Variants in PTH1R observed in about 807,000 individuals in gnomAD.
PTH1R encodes the protein parathyroid hormone/parathyroid hormone-related peptide receptor.
In PTH1R, 32 loss-of-function variants were observed where a neutral mutation model predicts 70.7. The observed-to-expected ratio is 0.45, with a 90% confidence interval of 0.34 to 0.61. PTH1R has a LOEUF of 0.61. Ranked by LOEUF, PTH1R falls within the 20% of genes least tolerant of loss-of-function variation. The pLI is 0.01. For synonymous variants in PTH1R, 329 were observed against 324.8 expected (o/e 1.01, Z -0.14); for missense variants, 626 against 792.5 (o/e 0.79, Z 2.52).
rs1302380494 is a variant in PTH1R, at chr3:46,882,414, G to A, written c.-48-1098G>A. On this transcript the variant is annotated intron_variant, in intron 2 of 15. Coordinates refer to ENST00000449590, the MANE Select transcript of PTH1R (RefSeq NM_000316.3). The surrounding 1 kb of genome is among the most constrained non-coding windows in gnomAD (Gnocchi z 4.3). ...GGGCGCTGGCTTGGGGAGGCTGTCG[G>A]GGGGGCCCCGACATCCATGGCAAGG... 2 of 151,548 alleles carry A rather than the reference G, an allele frequency of 1.3e-5. No homozygotes were observed. Among genetic ancestry groups the A allele is most frequent in the African/African-American group, 4.8e-5 (2 of 41,288 alleles). 9.4% of individuals were successfully genotyped at this position (151,548 alleles called of 1,614,324 possible).
chr3:46,902,458 G>C lies in PTH1R; in HGVS notation c.1212-68G>C, dbSNP rs935000652. The C allele has an allele frequency of 8.8e-6, 14 of 1,585,300 alleles. No homozygotes were observed. The African/African-American group carries it at 1.5e-4, about 17-fold the overall frequency. ...TTCCGGAGCCTGGGGCTCGCAGGGTGGGGGGTGGCACAATGCTTGTTGAAG... is the reference window on the plus strand; with the variant it reads ...TTCCGGAGCCTGGGGCTCGCAGGGTCGGGGGTGGCACAATGCTTGTTGAAG... On this transcript the variant is annotated intron_variant, in intron 13 of 15. Coordinates refer to ENST00000449590, the MANE Select transcript of PTH1R (RefSeq NM_000316.3). This position sits in a 1 kb window ranked among gnomAD's most constrained non-coding sequence, Gnocchi z 5.4.
At chr3:46,898,997 G>C (rs1198723649) in intron 9 of PTH1R, 140 bp downstream of exon 9, 1 of 732,092 alleles carries the variant, frequency 1.4e-6, no homozygotes, top group Non-Finnish European at 2.2e-6. Context: ...CCGTCTTATA[G>C]GGTCCCTCGC....
intron 3 of PTH1R, among the ~76,000 whole-genome samples, chr3:46,887,668 C>G (rs1319447114): frequency 1.3e-5 from 2 of 152,018 alleles, no homozygotes; most frequent in Non-Finnish European, 2.9e-5. Context: ...TTCTATTTGT[C>G]TGGTTGTTTT....
intron 10 of PTH1R, among the ~76,000 whole-genome samples, chr3:46,900,642 C>CA (rs942385139): frequency 8.0e-5 from 12 of 149,852 alleles, no homozygotes; most frequent in Middle Eastern, 3.4e-3. Context: ...TGTGCTGGGG[C>CA]AAAAAAAAAT....
rs1399159506 is a variant in PTH1R at position 46,893,853 on chromosome 3, G to A, written c.76-54G>A. On this transcript the variant is annotated intron_variant, in intron 3 of 15. Transcript: ENST00000449590. This position sits in a 1 kb window ranked among gnomAD's most constrained non-coding sequence, Gnocchi z 5.2. ...CTCTGGGAAATTGGGATGTCTCTGGGACCTGCTGCTGCGCCGGAAAGTCCT... is the reference window on the plus strand; with the variant it reads ...CTCTGGGAAATTGGGATGTCTCTGGAACCTGCTGCTGCGCCGGAAAGTCCT... 6.4e-7 allele frequency: 1 copy of A among 1,551,738 alleles called. No homozygotes were observed. The highest frequency in any genetic ancestry group is 8.9e-7 in the Non-Finnish European group (1 of 1,129,190).
Position 46,882,854 on chromosome 3 carries a change from G to C in PTH1R, c.-48-658G>C, listed in dbSNP as rs979968915. Among the ~76,000 whole-genome samples the C allele has an allele frequency of 2.0e-5, 3 of 151,956 alleles. No individual in the cohort carries two copies. Among genetic ancestry groups the C allele is most frequent in the Admixed American group, 6.5e-5 (1 of 15,276 alleles). ...GGCCAAGGATGGGGAAGGGGTGCGGGAGGCGGCTGCCGAGGGTCTGGGATC... is the reference window on the plus strand; with the variant it reads ...GGCCAAGGATGGGGAAGGGGTGCGGCAGGCGGCTGCCGAGGGTCTGGGATC... On this transcript the variant is annotated intron_variant, in intron 2 of 15. Coordinates refer to ENST00000449590, the MANE Select transcript of PTH1R (RefSeq NM_000316.3). The surrounding 1 kb of genome is among the most constrained non-coding windows in gnomAD (Gnocchi z 4.3).
chr3:46,901,282 GC>G lies in PTH1R; in HGVS notation c.1050-130del. On this transcript the variant is annotated intron_variant, in intron 11 of 15. Transcript: ENST00000449590. The surrounding 1 kb of genome is among the most constrained non-coding windows in gnomAD (Gnocchi z 7.3). Reference sequence around the variant, plus strand: ...AAGAGGCCTGTGAGGGAGGCCTCAGGCCTGGCCACACCCAGCACCCCTGCCC... The same window carrying G: ...AAGAGGCCTGTGAGGGAGGCCTCAGGCTGGCCACACCCAGCACCCCTGCCC... 1 of 1,310,660 alleles carries G rather than the reference GC, an allele frequency of 7.6e-7. No individual in the cohort carries two copies. The highest frequency in any genetic ancestry group is 1.1e-6 in the Non-Finnish European group (1 of 934,100). The allele number at this position is 1,310,660 out of a possible 1,614,324, so 81.2% of individuals were successfully genotyped here.
At position 46,901,505 on chromosome 3, in the gene PTH1R, A is replaced by T. The variant is rs2032116094; in HGVS notation, c.1116+25A>T. The T allele has an allele frequency of 6.4e-6, 10 of 1,554,980 alleles. No individual in the cohort carries two copies. The highest frequency in any genetic ancestry group is 7.8e-6 in the Non-Finnish European group (9 of 1,148,246). On this transcript the variant is annotated intron_variant, in intron 12 of 15. Transcript: ENST00000449590. This position sits in a 1 kb window ranked among gnomAD's most constrained non-coding sequence, Gnocchi z 7.3. ...GGTGAGCAGGGGTGGGCTGCTGGCC[A>T]CAGGGGTGGGTGGGATGTGCGCCTG...
In PTH1R at chr3:46,902,602, A is replaced by G. The variant is rs1351383165; in HGVS notation, c.1288A>G (p.Thr430Ala). 2 of 1,613,780 alleles carry G rather than the reference A, an allele frequency of 1.2e-6. No homozygotes were observed. Among genetic ancestry groups the G allele is most frequent in the South Asian group, 2.2e-5 (2 of 91,056 alleles). Residue 430 changes from threonine to alanine, a missense_variant, in exon 14 of 16, where the codon ACC becomes GCC. By Grantham distance (58) the Thr-to-Ala change is moderately conservative (BLOSUM62 0). Coordinates refer to ENST00000449590, the MANE Select transcript of PTH1R (RefSeq NM_000316.3). The surrounding 1 kb of genome is among the most constrained non-coding windows in gnomAD (Gnocchi z 5.4). Reference sequence around the variant, plus strand: ...CATTGTCTTCATGGCCACACCATACACCGAGGTCTCAGGGACGCTCTGGCA... The same window carrying G: ...CATTGTCTTCATGGCCACACCATACGCCGAGGTCTCAGGGACGCTCTGGCA... ...HYIVFMATPY[T>A]EVSGTLWQVQ...
At chr3:46,881,405 G>A (rs909585564) in intron 2 of PTH1R, among the ~76,000 whole-genome samples, 2 of 152,174 alleles carry the variant, frequency 1.3e-5, no homozygotes, top group Non-Finnish European at 2.9e-5. Flanking sequence ...GGTCCCAGGC[G>A]GCCCGGTCCG....
chr3:46,898,447 G>T lies in PTH1R; in HGVS notation c.613G>T (p.Ala205Ser), dbSNP rs748539877. The T allele has an allele frequency of 1.9e-6, 3 of 1,614,052 alleles. No homozygotes were observed. Among genetic ancestry groups the T allele is most frequent in the East Asian group, 4.5e-5 (2 of 44,856 alleles). ...CGTGTCCCTGGCGTCCCTCACCGTA[G>T]CTGTGCTCATCCTGGCCTACTTTAG... The part of the protein sequence containing the change: ...YSVSLASLTV[A>S]VLILAYFRRL... Residue 205 changes from alanine (A) to serine (S), a missense_variant, in exon 8 of 16, where the codon GCT becomes TCT. Around this residue, in one of 3 missense-constraint regions of PTH1R, gnomAD observed 495 missense variants for 638.7 expected, o/e 0.77. Transcript: ENST00000449590.
At position 46,892,694 on chromosome 3, in the gene PTH1R, C is replaced by T; in HGVS notation, c.76-1213C>T. The T allele has an allele frequency of 2.0e-6, 2 of 983,762 alleles. No individual in the cohort carries two copies. Among genetic ancestry groups the T allele is most frequent in the Middle Eastern group, 4.8e-4 (1 of 2,064 alleles). The allele number at this position is 983,762 out of a possible 1,614,324, so 60.9% of individuals were successfully genotyped here. A position where few individuals can be genotyped will look rare whatever the true frequency, so the allele number is the denominator to read the frequency against. ...ATGCCCGACCCGCCTTCTTCCTCCCCTGCCTCCTCTGGGTCCTCCCGCCCT... is the reference window on the plus strand; with the variant it reads ...ATGCCCGACCCGCCTTCTTCCTCCCTTGCCTCCTCTGGGTCCTCCCGCCCT... On this transcript the variant is annotated intron_variant, in intron 3 of 15. Transcript: ENST00000449590. This position sits in a 1 kb window ranked among gnomAD's most constrained non-coding sequence, Gnocchi z 5.2.
Position 46,884,473 on chromosome 3 carries a change from C to T in PTH1R, c.75+839C>T, listed in dbSNP as rs2030887953. On this transcript the variant is annotated intron_variant, in intron 3 of 15. Coordinates refer to ENST00000449590, the MANE Select transcript of PTH1R (RefSeq NM_000316.3). This position sits in a 1 kb window ranked among gnomAD's most constrained non-coding sequence, Gnocchi z 4.8. ...AGCTGGAGACACAGAGTGGGCAGCA[C>T]CTCCTCCTCCTGGGCCAGGGTCTGG... Among the ~76,000 whole-genome samples, 1 of 152,208 alleles carries T rather than the reference C, an allele frequency of 6.6e-6. No individual in the cohort carries two copies.
Position 46,901,214 on chromosome 3 carries a change from C to T in PTH1R, c.1049+129C>T, listed in dbSNP as rs796644602. 159 of 1,347,876 alleles carry T rather than the reference C, an allele frequency of 1.2e-4. 5 individuals carry two copies. The South Asian group carries it at 1.9e-3, about 16-fold the overall frequency. The allele number at this position is 1,347,876 out of a possible 1,614,324, so 83.5% of individuals were successfully genotyped here. On this transcript the variant is annotated intron_variant, in intron 11 of 15. Transcript: ENST00000449590. The surrounding 1 kb of genome is among the most constrained non-coding windows in gnomAD (Gnocchi z 7.3). ...CAGCCTCAGGAGTTCTCAGTCCAGCCTCAAGCCAGGAGCACCCTCAGGGTC... is the reference window on the plus strand; with the variant it reads ...CAGCCTCAGGAGTTCTCAGTCCAGCTTCAAGCCAGGAGCACCCTCAGGGTC...
At chr3:46,887,946 A>G (rs1042616194) in intron 3 of PTH1R, among the ~76,000 whole-genome samples, 2 of 152,120 alleles carry the variant, frequency 1.3e-5, no homozygotes, top group African/African-American at 2.4e-5. Flanking sequence ...CCATGTGACT[A>G]TTTCCTAGTA....
intron 3 of PTH1R, among the ~76,000 whole-genome samples, chr3:46,887,373 T>C (rs972275380): frequency 6.6e-6 from 1 of 151,308 alleles, no homozygotes; most frequent in African/African-American, 2.4e-5. Context: ...GAGAATTGCT[T>C]GAGCCCAGAA....
At position 46,902,179 on chromosome 3, in the gene PTH1R, G is replaced by A. The variant is rs1422092015; in HGVS notation, c.1211+319G>A. On this transcript the variant is annotated intron_variant, in intron 13 of 15. Transcript: ENST00000449590. The surrounding 1 kb of genome is among the most constrained non-coding windows in gnomAD (Gnocchi z 5.4). ...GAACAGGTAGGCGGTGAGTGGCCCC[G>A]GGAAGGCTGCAGCTCAGCTGAAACC... 6.6e-6 allele frequency among the ~76,000 whole-genome samples: 1 copy of A among 152,206 alleles called. No individual in the cohort carries two copies. Among genetic ancestry groups the A allele is most frequent in the Non-Finnish European group, 1.5e-5 (1 of 68,030 alleles).
intron 3 of PTH1R, among the ~76,000 whole-genome samples, chr3:46,890,478 A>G (rs1338432386): frequency 7.1e-6 from 1 of 141,094 alleles, no homozygotes; most frequent in Non-Finnish European, 1.5e-5. Context: ...GAAGTACTTC[A>G]TTTAATCTTC....
At chr3:46,895,523 T>A (rs903606744) in intron 4 of PTH1R, among the ~76,000 whole-genome samples, 5 of 151,950 alleles carry the variant, frequency 3.3e-5, no homozygotes, top group Non-Finnish European at 5.9e-5. Flanking sequence ...GGGGACAATC[T>A]CCACCTCCTC....
Sources: allele counts gnomAD v4.1 joint callset (sites outside exome capture counted in the v4.1 genomes callset), GRCh38; gene constraint gnomAD v4.1.1; regional missense constraint gnomAD v4.1.1; non-coding constraint Gnocchi (gnomAD v3.1); transcripts MANE v1.5; gene names NCBI Gene and HGNC (gene_info 2026-07-23, HGNC 2026-07-21).